The following GAK variants were observed in gnomAD, a reference collection of about 807,000 sequenced individuals.
The protein encoded by GAK is cyclin G associated kinase.
A neutral mutation model predicts 143.9 loss-of-function variants in GAK; 79 were observed. The observed-to-expected ratio is 0.55, with a 90% CI of 0.46 to 0.66. The LOEUF is 0.66. Ranked by LOEUF, GAK falls within the 30% of genes least tolerant of loss-of-function variation. The probability of loss-of-function intolerance (pLI) is 0.00; values close to 1 mark genes in which losing one functional copy is unlikely to be tolerated. For synonymous variants in GAK, 881 were observed against 765.5 expected, an observed-to-expected ratio of 1.15 and a Z score of -2.49; for missense variants, 1,693 against 1,779.7, an observed-to-expected ratio of 0.95 and a Z score of 0.88.
chr4:890,490 AGGAGCGAG>A, intron 10 of GAK, 34 bp downstream of exon 10: 1 of 1,481,110 alleles, frequency 6.8e-7, no homozygotes, highest in African/African-American at 1.4e-5. Flanking sequence ...GGGGTGCAGC[AGGAGCGAG>A]GGACAGGTGG....
At chr4:855,349 G>A (rs1173470143) in intron 24 of GAK, among the ~76,000 whole-genome samples, 1 of 151,388 alleles carries the variant, frequency 6.6e-6, no homozygotes, top group Non-Finnish European at 1.5e-5. Flanking sequence ...AAAAAAAAAA[G>A]GTGATTGTAA....
intron 24 of GAK, among the ~76,000 whole-genome samples, chr4:856,609 C>CCACAGGTGCTCACACCTGCT (rs1245398948): frequency 3.9e-5 from 5 of 129,578 alleles, no homozygotes; most frequent in Non-Finnish European, 5.3e-5. Flanking sequence ...CAGCTGCTCA[C>CCACAGGTGCTCACACCTGCT]CACAGGTGCT....
intron 7 of GAK, among the ~76,000 whole-genome samples, chr4:895,793 C>T (rs1718655491): frequency 6.6e-6 from 1 of 152,196 alleles, no homozygotes; most frequent in African/African-American, 2.4e-5. Flanking sequence ...AGGCTCAGCC[C>T]TCACTCTGGC....
At chr4:885,816 G>A (rs1357755341) in intron 11 of GAK, 1 of 151,792 alleles carries the variant, frequency 6.6e-6, no homozygotes, top group Non-Finnish European at 1.5e-5. Context: ...CTCCAGGCCA[G>A]AGTGCAGTGG....
chr4:858,362 A>C (rs1341631180), intron 24 of GAK, among the ~76,000 whole-genome samples: 1 of 152,066 alleles, frequency 6.6e-6, no homozygotes, highest in Non-Finnish European at 1.5e-5. Flanking sequence ...CCGCCCACCG[A>C]GCCAGCAGGC....
Position 877,506 on chromosome 4 carries a change from C to T in GAK, c.1856+109G>A, listed in dbSNP as rs28576770. ...GCCACAGACGCCACAGTTCCAAACA[C>T]GTCCGCCTCAGCAAGCGCCTGTCCC... On this transcript the variant is annotated intron_variant, in intron 16 of 27. Coordinates refer to ENST00000314167, the MANE Select transcript of GAK (RefSeq NM_005255.4). 3,253 of 1,165,982 alleles carry T rather than the reference C, an allele frequency of 2.8e-3. 66 individuals carry two copies. The African/African-American group carries it at 0.042, about 15-fold the overall frequency. 72.2% of individuals were successfully genotyped at this position (1,165,982 alleles called of 1,614,324 possible).
chr4:871,201 G>A (rs929611393), intron 18 of GAK, among the ~76,000 whole-genome samples: 2 of 152,238 alleles, frequency 1.3e-5, no homozygotes, highest in South Asian at 4.1e-4. Context: ...CAAGGCAGAG[G>A]GGCACCGGGC....
At chr4:855,431 T>C (rs1374012126) in intron 24 of GAK, among the ~76,000 whole-genome samples, 1 of 152,232 alleles carries the variant, frequency 6.6e-6, no homozygotes, top group African/African-American at 2.4e-5. Flanking sequence ...TTTTTGTGTG[T>C]TGACCTGGTA....
At chr4:920,406 C>T (rs1028461320) in intron 1 of GAK, among the ~76,000 whole-genome samples, 6 of 151,690 alleles carry the variant, frequency 4.0e-5, no homozygotes, top group Non-Finnish European at 7.4e-5. Context: ...GCAGGGAAAG[C>T]GGAAGGAAAA....
intron 18 of GAK, among the ~76,000 whole-genome samples, chr4:875,749 C>G (rs1417756513): frequency 2.6e-5 from 4 of 152,344 alleles, no homozygotes; most frequent in African/African-American, 9.6e-5. Context: ...TCAAGACCAG[C>G]CTGGCCAACA....
intron 20 of GAK, 96 bp downstream of exon 20, chr4:868,443 G>C: frequency 7.5e-7 from 1 of 1,341,256 alleles, no homozygotes; most frequent in Non-Finnish European, 1.0e-6. Flanking sequence ...AGCTCTGCCG[G>C]AGGCCCGTCT....
chr4:893,540 G>C, intron 8 of GAK, 51 bp from the exon 9 acceptor site: 1 of 1,307,130 alleles, frequency 7.7e-7, no homozygotes, highest in Non-Finnish European at 1.0e-6. Flanking sequence ...AGGCGGGTCA[G>C]CACCCCCTGC....
intron 1 of GAK, among the ~76,000 whole-genome samples, chr4:918,570 A>G (rs144254843): frequency 5.6e-4 from 86 of 152,394 alleles, no homozygotes; most frequent in Non-Finnish European, 7.3e-4. Flanking sequence ...GATGCAGTAC[A>G]TGTGTTAACT....
intron 24 of GAK, chr4:859,243 T>G: frequency 8.3e-7 from 1 of 1,201,806 alleles, no homozygotes; most frequent in South Asian, 1.5e-5. Flanking sequence ...GGCCGACAGC[T>G]AGCACGCTCC....
chr4:890,006 C>T (rs896185698), intron 10 of GAK, among the ~76,000 whole-genome samples: 1 of 152,212 alleles, frequency 6.6e-6, no homozygotes, highest in Non-Finnish European at 1.5e-5. Context: ...CTGCTCCTGC[C>T]CCCTGGCCTC....
In GAK at chr4:885,354, T is replaced by C. The variant is rs554384127; in HGVS notation, c.1206-1268A>G. On this transcript the variant is annotated intron_variant, in intron 11 of 27. Coordinates refer to ENST00000314167, the MANE Select transcript of GAK (RefSeq NM_005255.4). ...ACTTTGGGAGGCCGAGGCAGAGAGA[T>C]CACCTGAGGTTGGGAGTTTGAGACC... Among the ~76,000 whole-genome samples the C allele has an allele frequency of 3.3e-5, 5 of 152,276 alleles. No individual in the cohort carries two copies. The East Asian group carries it at 9.6e-4, about 29-fold the overall frequency.
At chr4:906,437 G>C (rs1450125661) in intron 4 of GAK, among the ~76,000 whole-genome samples, 1 of 152,166 alleles carries the variant, frequency 6.6e-6, no homozygotes, top group African/African-American at 2.4e-5. Flanking sequence ...GCCCAACCAG[G>C]AAACCAGGGA....
chr4:856,615 G>GTGCTCACACCTGCTCACCACAGC (rs1279486621), intron 24 of GAK, among the ~76,000 whole-genome samples: 10,615 of 109,332 alleles, frequency 0.097, 766 homozygotes, highest in African/African-American at 0.21. Flanking sequence ...CTCACCACAG[G>GTGCTCACACCTGCTCACCACAGC]TGCTCACACC....
Position 932,166 on chromosome 4 carries a change from G to A in GAK, c.22C>T (p.Leu8Phe). MSLLQSA[L>F]DFLAGPGSLG... ...GAGCCTGGACCCGCCAAGAAGTCGAGCGCCGACTGCAGCAGCGACATGGCG... is the reference window on the plus strand; with the variant it reads ...GAGCCTGGACCCGCCAAGAAGTCGAACGCCGACTGCAGCAGCGACATGGCG... The change falls in exon 1 of 28, where the codon CTC becomes TTC. Residue 8 changes from leucine (L) to phenylalanine (F), a missense_variant. By Grantham distance (22) the Leu-to-Phe change is conservative (BLOSUM62 0). Coordinates refer to ENST00000314167, the MANE Select transcript of GAK (RefSeq NM_005255.4). The surrounding 1 kb of genome is among the most constrained non-coding windows in gnomAD (Gnocchi z 4.0). 1.3e-6 allele frequency: 2 copies of A among 1,573,738 alleles called. No homozygotes were observed. The highest frequency in any genetic ancestry group is 2.4e-5 in the East Asian group (1 of 41,804).
Sources: gnomAD v4.1 joint callset for allele counts (sites outside exome capture counted in the v4.1 genomes callset) on GRCh38, gnomAD v4.1.1 for gene constraint, Gnocchi (gnomAD v3.1) non-coding constraint, MANE v1.5 for transcripts, NCBI Gene and HGNC (gene_info 2026-07-23, HGNC 2026-07-21) for gene names.